Variants in COL14A1 observed in about 807,000 individuals in gnomAD.
COL14A1 encodes collagen type XIV alpha 1 chain, also known as collagen alpha-1(XIV) chain.
Under a neutral mutation model 230.3 loss-of-function variants are expected in COL14A1, and 136 were observed. The observed-to-expected ratio is 0.59, with a 90% CI of 0.51 to 0.68. The LOEUF is 0.68. Among genes scored for constraint, COL14A1 ranks in the 30% least tolerant of loss-of-function variants. The pLI is 0.00. For missense variants in COL14A1, 1,976 were observed against 2,215.8 expected (o/e 0.89, Z 2.17); for synonymous variants, 792 against 784.1 (o/e 1.01, Z -0.17).
Position 120,262,895 on chromosome 8 carries a change from G to A in COL14A1, c.2897G>A (p.Gly966Asp), listed in dbSNP as rs1036719976. The A allele has an allele frequency of 1.2e-6, 2 of 1,613,044 alleles. No individual in the cohort carries two copies. Among genetic ancestry groups the A allele is most frequent in the East Asian group, 4.5e-5 (2 of 44,834 alleles). Residue 966 changes from glycine (G) to aspartate (D), a missense_variant, in exon 24 of 48, where the codon GGT becomes GAT. Gly to Asp is a moderately conservative substitution (Grantham distance 94). Coordinates refer to ENST00000297848, the MANE Select transcript of COL14A1 (RefSeq NM_021110.4). Reference sequence around the variant, plus strand: ...AGGCAAAAGCAAGAATCCACTGTGGGTGGAGGGACAACCAGGCATTGCTTC... The same window carrying A: ...AGGCAAAAGCAAGAATCCACTGTGGATGGAGGGACAACCAGGCATTGCTTC... Reference protein sequence around the residue: ...QDRQKQESTVGGGTTRHCFYG... With the variant: ...QDRQKQESTVDGGTTRHCFYG...
intron 1 of COL14A1, among the ~76,000 whole-genome samples, chr8:120,147,110 A>G (rs1815121973): frequency 6.6e-6 from 1 of 151,688 alleles, no homozygotes; most frequent in Non-Finnish European, 1.5e-5. Context: ...TAATTATTAT[A>G]GATACGTAAT....
chr8:120,302,430 A>G (rs7841201), intron 36 of COL14A1, among the ~76,000 whole-genome samples: 77,489 of 151,990 alleles, frequency 0.51, 20,660 homozygotes, highest in African/African-American at 0.68. Flanking sequence ...TGGTGTAAGG[A>G]AGGGGTCCAG....
At chr8:120,139,365 A>AT (rs1563630744) in intron 1 of COL14A1, among the ~76,000 whole-genome samples, 1 of 152,160 alleles carries the variant, frequency 6.6e-6, no homozygotes, top group Non-Finnish European at 1.5e-5. Context: ...CCATGTCTTC[A>AT]TATGGTTGAT....
chr8:120,185,929 C>T (rs1458566080), intron 5 of COL14A1, among the ~76,000 whole-genome samples: 2 of 152,096 alleles, frequency 1.3e-5, no homozygotes, highest in African/African-American at 2.4e-5. Context: ...CCTGCCACCA[C>T]GACCAGCTAA....
chr8:120,360,214 G>A (rs939798968), intron 45 of COL14A1, among the ~76,000 whole-genome samples: 1 of 152,206 alleles, frequency 6.6e-6, no homozygotes, highest in African/African-American at 2.4e-5. Context: ...CTTAACCAAT[G>A]TATTGCCTTG....
At chr8:120,302,060 G>C (rs1820729621) in intron 36 of COL14A1, among the ~76,000 whole-genome samples, 1 of 151,730 alleles carries the variant, frequency 6.6e-6, no homozygotes, top group Admixed American at 6.6e-5. Flanking sequence ...TATGTCCTTT[G>C]CTCTCTTTTT....
intron 1 of COL14A1, among the ~76,000 whole-genome samples, chr8:120,134,419 A>T (rs570864008): frequency 1.1e-4 from 16 of 152,172 alleles, no homozygotes; most frequent in Non-Finnish European, 2.1e-4. Flanking sequence ...TTGGATAGAC[A>T]TGGAGAATAA....
intron 5 of COL14A1, among the ~76,000 whole-genome samples, chr8:120,180,673 G>A (rs1356845914): frequency 1.4e-5 from 2 of 145,558 alleles, no homozygotes; most frequent in African/African-American, 5.0e-5. Flanking sequence ...ATAATAGTGA[G>A]CAACCCCAAT....
rs562686151 is a variant in COL14A1 at position 120,179,013 on chromosome 8, T to G, written c.436+10766T>G. On this transcript the variant is annotated intron_variant, in intron 5 of 47. Coordinates refer to ENST00000297848, the MANE Select transcript of COL14A1 (RefSeq NM_021110.4). ...ATGGCAAAATTTTTCTCCCATTCAGTAGGTTGCCTGTTGCCTGTTCACTCT... is the reference window on the plus strand; with the variant it reads ...ATGGCAAAATTTTTCTCCCATTCAGGAGGTTGCCTGTTGCCTGTTCACTCT... 4.6e-5 allele frequency among the ~76,000 whole-genome samples: 7 copies of G among 152,294 alleles called. No individual in the cohort carries two copies. In the South Asian group the frequency reaches 1.5e-3, roughly 32 times the overall value.
chr8:120,311,865 G>A (rs966943407), intron 37 of COL14A1, among the ~76,000 whole-genome samples: 3 of 152,126 alleles, frequency 2.0e-5, no homozygotes, highest in Non-Finnish European at 4.4e-5. Flanking sequence ...GGGAGGCCGA[G>A]GCAAGTGGAT....
In COL14A1 at chr8:120,369,460, A is replaced by T; in HGVS notation, c.5286A>T (p.Ser1762=). The T allele has an allele frequency of 6.2e-7, 1 of 1,606,388 alleles. No homozygotes were observed. The highest frequency in any genetic ancestry group is 8.5e-7 in the Non-Finnish European group (1 of 1,176,486). ...PSGQPGYCDP[S]SCSAYGVRAP... is the part of the protein sequence containing the mutation. ...GCCAGCCTGGATATTGTGACCCCTC[A>T]TCATGTTCTGCCTATGGTGTGAGAG... Residue 1762 remains serine (S), a synonymous_variant, in exon 47 of 48, where the codon TCA becomes TCT. Coordinates refer to ENST00000297848, the MANE Select transcript of COL14A1 (RefSeq NM_021110.4).
intron 4 of COL14A1, 129 bp from the exon 5 acceptor site, chr8:120,168,032 A>G (rs138244096): frequency 1.9e-6 from 1 of 524,742 alleles, no homozygotes; most frequent in African/African-American, 1.9e-5. Context: ...ATATTTGGGG[A>G]TGAGTTTGTA....
At chr8:120,200,523 A>G (rs1449756564) in intron 8 of COL14A1, among the ~76,000 whole-genome samples, 1 of 151,180 alleles carries the variant, frequency 6.6e-6, no homozygotes, top group Non-Finnish European at 1.5e-5. Flanking sequence ...TCAGAGTATT[A>G]TTCTACTCTT....
rs1258549450 is a variant in COL14A1 at position 120,373,115 on chromosome 8, G to A, written c.*1884G>A. On this transcript the variant is annotated 3_prime_UTR_variant, in exon 48 of 48. Coordinates refer to ENST00000297848, the MANE Select transcript of COL14A1 (RefSeq NM_021110.4). ...TCCATGACATTTAATAGTGAGTATA[G>A]AGTAGGATATTCTATACATTTTAGT... Among the ~76,000 whole-genome samples, 1 of 152,120 alleles carries A rather than the reference G, an allele frequency of 6.6e-6. No individual in the cohort carries two copies. Among genetic ancestry groups the A allele is most frequent in the Non-Finnish European group, 1.5e-5 (1 of 68,030 alleles).
intron 45 of COL14A1, among the ~76,000 whole-genome samples, chr8:120,358,736 G>C (rs1262356344): frequency 6.6e-6 from 1 of 151,802 alleles, no homozygotes; most frequent in Non-Finnish European, 1.5e-5. Flanking sequence ...TTCAAGCCTT[G>C]AACATAAGTA....
intron 12 of COL14A1, 140 bp from the exon 13 acceptor site, chr8:120,212,308 T>C (rs999315507): frequency 4.2e-6 from 3 of 710,672 alleles, no homozygotes; most frequent in East Asian, 2.8e-5. Flanking sequence ...TTAAAAATTA[T>C]GACTGAAGCC....
intron 5 of COL14A1, among the ~76,000 whole-genome samples, chr8:120,187,610 TC>T (rs1399906192): frequency 6.6e-6 from 1 of 152,234 alleles, no homozygotes; most frequent in African/African-American, 2.4e-5. Flanking sequence ...TTGGAGTTTC[TC>T]ATGATGTCAG....
At chr8:120,291,278 C>T (rs914954084) in intron 34 of COL14A1, among the ~76,000 whole-genome samples, 5 of 151,808 alleles carry the variant, frequency 3.3e-5, no homozygotes, top group Non-Finnish European at 4.4e-5. Context: ...AAAGAGAATC[C>T]GGGCCGGGAG....
Position 120,206,949 on chromosome 8 carries a change from C to A in COL14A1, c.1046C>A (p.Ala349Asp). The change falls in exon 10 of 48, where the codon GCC (alanine) becomes GAC (aspartate). Residue 349 changes from alanine (A) to aspartate (D), a missense_variant. By Grantham distance (126) the Ala-to-Asp change is moderately radical (BLOSUM62 -2). Transcript: ENST00000297848. ...EEQDREIKAS[A>D]HAITGPPTEL... ...ATATGTTTTTTTAATTTAGCCTCAGCCCATGCCATCACTGGGCCGCCTACG... is the reference window on the plus strand; with the variant it reads ...ATATGTTTTTTTAATTTAGCCTCAGACCATGCCATCACTGGGCCGCCTACG... 3.1e-6 allele frequency: 5 copies of A among 1,608,526 alleles called. No homozygotes were observed. The highest frequency in any genetic ancestry group is 4.2e-6 in the Non-Finnish European group (5 of 1,178,318).
Sources: gnomAD v4.1 joint callset for allele counts (sites outside exome capture counted in the v4.1 genomes callset) on GRCh38, gnomAD v4.1.1 for gene constraint, MANE v1.5 for transcripts, NCBI Gene and HGNC (gene_info 2026-07-23, HGNC 2026-07-21) for gene names.